The following RGS3 variants were observed in gnomAD, a reference collection of about 807,000 sequenced individuals.
RGS3 encodes regulator of G protein signaling 3, also known as regulator of G-protein signalling 3.
Under a neutral mutation model 132.6 loss-of-function variants are expected in RGS3, and 80 were observed. The ratio of observed to expected loss-of-function variants is 0.60; its 90% CI spans 0.50 to 0.73. The LOEUF (loss-of-function observed/expected upper bound fraction) is 0.73, where lower values mean the gene tolerates loss of function less well. Among genes scored for constraint, RGS3 ranks in the 30% least tolerant of loss-of-function variants. RGS3 has a pLI of 0.00. For missense variants in RGS3, 1,382 were observed against 1,530.8 expected (o/e 0.90, Z 1.62); for synonymous variants, 598 against 620.6 (o/e 0.96, Z 0.54).
intron 19 of RGS3, among the ~76,000 whole-genome samples, chr9:113,575,175 T>A (rs117232692): frequency 0.024 from 3,665 of 152,302 alleles, 95 homozygotes; most frequent in Non-Finnish European, 0.033. Context: ...TCCAGCAGGC[T>A]GCAAGCGGCA....
chr9:113,480,186 C>T (rs912650691), intron 4 of RGS3, among the ~76,000 whole-genome samples: 4 of 152,116 alleles, frequency 2.6e-5, no homozygotes, highest in African/African-American at 4.8e-5. Context: ...TGGCTGGGCA[C>T]GGTGACTCAT....
chr9:113,479,247 C>T (rs1278798162), intron 3 of RGS3: 1 of 554,062 alleles, frequency 1.8e-6, no homozygotes, highest in Non-Finnish European at 3.2e-6. Flanking sequence ...AGTGAGCTCC[C>T]CATCACCAGA....
chr9:113,512,024 A>G (rs983083624), intron 14 of RGS3, among the ~76,000 whole-genome samples: 1 of 152,298 alleles, frequency 6.6e-6, no homozygotes, highest in Non-Finnish European at 1.5e-5. Flanking sequence ...CAATCCACCA[A>G]GCTCTTTTCC....
intron 20 of RGS3, among the ~76,000 whole-genome samples, chr9:113,587,333 G>A (rs1372893255): frequency 6.6e-6 from 1 of 152,162 alleles, no homozygotes; most frequent in Non-Finnish European, 1.5e-5. Flanking sequence ...GATGCTGATG[G>A]GCCACTATTC....
intron 3 of RGS3, among the ~76,000 whole-genome samples, chr9:113,465,857 T>A (rs934547653): frequency 3.3e-5 from 5 of 152,166 alleles, no homozygotes; most frequent in Non-Finnish European, 7.4e-5. Context: ...ATGAGAGCAT[T>A]TGAGAAATTC....
Position 113,591,755 on chromosome 9 carries a change from AG to A in RGS3, c.3080+362del, listed in dbSNP as rs1435405955. The A allele has an allele frequency of 4.4e-6, 1 of 224,964 alleles. No homozygotes were observed. Among genetic ancestry groups the A allele is most frequent in the Non-Finnish European group, 9.2e-6 (1 of 108,802 alleles). 13.9% of individuals were successfully genotyped at this position (224,964 alleles called of 1,614,324 possible). ...CTCTGGGCCCAAGAGTGACCTGAGAAGGGGTGGAACTGACAGTCATTGGCTC... is the reference window on the plus strand; with the variant it reads ...CTCTGGGCCCAAGAGTGACCTGAGAAGGGTGGAACTGACAGTCATTGGCTC... On this transcript the variant is annotated intron_variant, in intron 21 of 24. Coordinates refer to ENST00000350696, the Ensembl canonical transcript of RGS3. This position sits in a 1 kb window ranked among gnomAD's most constrained non-coding sequence, Gnocchi z 4.4.
intron 18 of RGS3, among the ~76,000 whole-genome samples, chr9:113,534,848 C>T (rs922967235): frequency 1.3e-5 from 2 of 152,022 alleles, no homozygotes; most frequent in Non-Finnish European, 2.9e-5. Flanking sequence ...AACTCCTGGG[C>T]GCAAATGATC....
At chr9:113,559,607 G>T (rs2118803960) in intron 19 of RGS3, among the ~76,000 whole-genome samples, 1 of 152,326 alleles carries the variant, frequency 6.6e-6, no homozygotes, top group Non-Finnish European at 1.5e-5. Flanking sequence ...CAGATAGCAA[G>T]GGGGAGACAT....
Position 113,552,825 on chromosome 9 carries a change from A to G in RGS3, c.2037+15907A>G, listed in dbSNP as rs775920869. The stretch of plus-strand genomic sequence containing the variant: ...CCCAAAGTTTTAGAAAGAATTTCAT[A>G]TAGGTCTTGCACATTTTTTGTTAAA... On this transcript the variant is annotated intron_variant, in intron 19 of 24. Transcript: ENST00000350696. 4.7e-4 allele frequency among the ~76,000 whole-genome samples: 71 copies of G among 152,352 alleles called. 1 individual carries two copies. Among genetic ancestry groups the G allele is most frequent in the Middle Eastern group, 6.8e-3 (2 of 294 alleles).
At chr9:113,523,400 G>A (rs1832056830) in intron 17 of RGS3, among the ~76,000 whole-genome samples, 3 of 152,150 alleles carry the variant, frequency 2.0e-5, no homozygotes, top group Admixed American at 2.0e-4. Flanking sequence ...GTTTCCTCCC[G>A]TGTAAATAGG....
chr9:113,595,673 G>A, exon 24 of RGS3: 1 of 1,614,180 alleles, frequency 6.2e-7, no homozygotes, highest in Non-Finnish European at 8.5e-7. Context: ...GTTGGCTTGT[G>A]AGGACTTCAA....
At chr9:113,457,899 A>G (rs889961509), upstream of RGS3, among the ~76,000 whole-genome samples, 3 of 151,928 alleles carry the variant, frequency 2.0e-5, no homozygotes, top group Non-Finnish European at 4.4e-5. Context: ...AGAACCCAGG[A>G]AAAAAATGAA....
chr9:113,490,711 T>G (rs1163908549), intron 7 of RGS3, among the ~76,000 whole-genome samples: 2 of 143,036 alleles, frequency 1.4e-5, no homozygotes, highest in Non-Finnish European at 3.0e-5. Context: ...TATTTTATAT[T>G]GGTATATATA....
chr9:113,505,336 G>C (rs146721934), intron 10 of RGS3, 106 bp from the exon 9 acceptor site: 7 of 918,196 alleles, frequency 7.6e-6, no homozygotes, highest in Admixed American at 5.9e-5. Flanking sequence ...AGTTCCCTTG[G>C]AGAGGAGGGT....
At chr9:113,556,355 A>G (rs949176826) in intron 19 of RGS3, among the ~76,000 whole-genome samples, 1 of 152,128 alleles carries the variant, frequency 6.6e-6, no homozygotes, top group Admixed American at 6.5e-5. Context: ...AATGGTTTCT[A>G]TTCTGTGTGT....
chr9:113,471,124 G>A (rs1459836502), intron 3 of RGS3, among the ~76,000 whole-genome samples: 1 of 152,100 alleles, frequency 6.6e-6, no homozygotes, highest in Non-Finnish European at 1.5e-5. Flanking sequence ...TCAGTGTTGG[G>A]ACTGAGAGTA....
intron 19 of RGS3, among the ~76,000 whole-genome samples, chr9:113,549,343 T>C (rs970511360): frequency 3.3e-5 from 5 of 152,256 alleles, no homozygotes; most frequent in Non-Finnish European, 7.3e-5. Flanking sequence ...ATAGTAGCTC[T>C]TGTTGCAAAA....
intron 20 of RGS3, 119 bp downstream of exon 18, chr9:113,584,546 C>A: frequency 1.7e-6 from 2 of 1,173,626 alleles, no homozygotes; most frequent in Non-Finnish European, 2.3e-6. Context: ...AGCCTCCCAG[C>A]GAACTTTCCA....
upstream of RGS3, among the ~76,000 whole-genome samples, chr9:113,459,249 T>C (rs951382044): frequency 1.3e-5 from 2 of 152,358 alleles, no homozygotes; most frequent in African/African-American, 2.4e-5. Flanking sequence ...GAAGATCTTA[T>C]AGAATTAGCC....
Sources: allele counts gnomAD v4.1 joint callset (sites outside exome capture counted in the v4.1 genomes callset), GRCh38; gene constraint gnomAD v4.1.1; non-coding constraint Gnocchi (gnomAD v3.1); transcripts MANE v1.5; gene names NCBI Gene and HGNC (gene_info 2026-07-23, HGNC 2026-07-21).